The following PRKACB variants were observed in gnomAD, a reference collection of about 807,000 sequenced individuals.
PRKACB encodes the protein cAMP-dependent protein kinase catalytic subunit beta.
PRKACB carries 16 observed loss-of-function variants against 51.4 expected under a neutral mutation model. That is an observed-to-expected ratio of 0.31 (90% CI 0.21 to 0.47). The LOEUF is 0.47. PRKACB is among the 20% of genes least tolerant of loss of function. The pLI is 1.00. For synonymous variants in PRKACB, 147 were observed against 154.4 expected, an observed-to-expected ratio of 0.95 and a Z score of 0.35; for missense variants, 309 against 464.5, an observed-to-expected ratio of 0.67 and a Z score of 3.08.
chr1:84,151,739 A>G (rs1654879713), intron 1 of PRKACB, among the ~76,000 whole-genome samples: 1 of 152,144 alleles, frequency 6.6e-6, no homozygotes, highest in Admixed American at 6.5e-5. Flanking sequence ...TTATCAGGAG[A>G]TTGCAGCAAT....
intron 1 of PRKACB, among the ~76,000 whole-genome samples, chr1:84,124,284 C>T (rs1651362166): frequency 6.6e-6 from 1 of 152,150 alleles, no homozygotes; most frequent in Non-Finnish European, 1.5e-5. Flanking sequence ...TTGAACTACA[C>T]TTTGATTAAC....
chr1:84,196,485 T>C lies in PRKACB; in HGVS notation c.561-131T>C, dbSNP rs1048485306. On this transcript the variant is annotated intron_variant, in intron 5 of 9. Transcript: ENST00000370685. ...ATATTTGAAAAGTAACAAGGTTCTT[T>C]ACATACTTTTTAAAAAAATACTTTT... 3 of 856,500 alleles carry C rather than the reference T, an allele frequency of 3.5e-6. No homozygotes were observed. In the African/African-American group the frequency reaches 5.2e-5, roughly 15 times the overall value. 53.1% of individuals were successfully genotyped at this position (856,500 alleles called of 1,614,324 possible). A position where few individuals can be genotyped will look rare whatever the true frequency, so the allele number is the denominator to read the frequency against.
intron 1 of PRKACB, among the ~76,000 whole-genome samples, chr1:84,122,936 A>G (rs372264111): frequency 6.7e-4 from 102 of 152,298 alleles, no homozygotes; most frequent in African/African-American, 2.3e-3. Flanking sequence ...AGGTAATGAC[A>G]ATAAAAGATT....
intron 1 of PRKACB, among the ~76,000 whole-genome samples, chr1:84,165,494 C>G (rs1007518744): frequency 4.6e-5 from 7 of 151,436 alleles, no homozygotes; most frequent in African/African-American, 1.7e-4. Flanking sequence ...TTGCTTTTAC[C>G]TACAATTTAT....
intron 1 of PRKACB, among the ~76,000 whole-genome samples, chr1:84,153,128 A>C (rs990730521): frequency 3.3e-5 from 5 of 152,204 alleles, no homozygotes; most frequent in African/African-American, 1.2e-4. Context: ...CTAGCTGGTG[A>C]GTGGAGCAGT....
At chr1:84,160,880 CATT>C (rs565864305) in intron 1 of PRKACB, among the ~76,000 whole-genome samples, 48 of 151,802 alleles carry the variant, frequency 3.2e-4, no homozygotes, top group Middle Eastern at 3.4e-3. Context: ...TTAATTGAGA[CATT>C]ATATTTTCTA....
intron 1 of PRKACB, among the ~76,000 whole-genome samples, chr1:84,086,579 C>T (rs1318646385): frequency 1.3e-5 from 2 of 152,204 alleles, no homozygotes; most frequent in Admixed American, 1.3e-4. Flanking sequence ...CCTGGCTCTT[C>T]TGCCACCTGC....
At chr1:84,200,305 A>T (rs1669713120) in intron 7 of PRKACB, among the ~76,000 whole-genome samples, 2 of 152,116 alleles carry the variant, frequency 1.3e-5, no homozygotes, top group Non-Finnish European at 2.9e-5. Context: ...GTGTCAGTTC[A>T]TGTCCTTTGC....
intron 1 of PRKACB, among the ~76,000 whole-genome samples, chr1:84,085,456 A>C (rs1647893193): frequency 6.6e-6 from 1 of 152,204 alleles, no homozygotes; most frequent in Non-Finnish European, 1.5e-5. Context: ...GGATAATGAC[A>C]CTGTGATCTC....
intron 8 of PRKACB, among the ~76,000 whole-genome samples, chr1:84,203,457 A>T (rs913984597): frequency 6.6e-6 from 1 of 151,836 alleles, no homozygotes; most frequent in Non-Finnish European, 1.5e-5. Flanking sequence ...TGCTTTCAAG[A>T]GTGTTTTGTT....
chr1:84,143,226 G>A (rs988163229), upstream of PRKACB, among the ~76,000 whole-genome samples: 24 of 152,048 alleles, frequency 1.6e-4, no homozygotes, highest in African/African-American at 5.3e-4. Context: ...CGGGCGTATC[G>A]CTTGAGGCCA....
intron 1 of PRKACB, among the ~76,000 whole-genome samples, chr1:84,149,778 T>C (rs1040076553): frequency 6.6e-6 from 1 of 152,146 alleles, no homozygotes; most frequent in African/African-American, 2.4e-5. Context: ...TTAGGATTAT[T>C]TTTATATTTT....
At chr1:84,138,742 C>G (rs538073264) in intron 1 of PRKACB, among the ~76,000 whole-genome samples, 1 of 151,972 alleles carries the variant, frequency 6.6e-6, no homozygotes, top group Non-Finnish European at 1.5e-5. Flanking sequence ...ATAAAACTAC[C>G]AAGCAATGTA....
chr1:84,204,507 C>G (rs200352179), intron 8 of PRKACB: 30 of 1,603,096 alleles, frequency 1.9e-5, no homozygotes, highest in Non-Finnish European at 8.5e-7. Flanking sequence ...CAAAACAAAA[C>G]TTTGAGAAAA....
chr1:84,222,227 A>T (rs535116659), intron 9 of PRKACB, among the ~76,000 whole-genome samples: 1 of 152,214 alleles, frequency 6.6e-6, no homozygotes, highest in East Asian at 1.9e-4. Context: ...TATCTGATAT[A>T]AATTTAGATA....
intron 1 of PRKACB, among the ~76,000 whole-genome samples, chr1:84,111,675 A>T (rs1243191735): frequency 6.6e-6 from 1 of 152,070 alleles, no homozygotes; most frequent in Non-Finnish European, 1.5e-5. Flanking sequence ...CCCGTGACAC[A>T]AGTTTACCTA....
chr1:84,178,904 C>A (rs1388652760), intron 1 of PRKACB: 1 of 213,118 alleles, frequency 4.7e-6, no homozygotes, highest in Non-Finnish European at 9.2e-6. Flanking sequence ...ACATTACTTT[C>A]TAGTATGTTT....
At chr1:84,115,010 A>G (rs920059595) in intron 1 of PRKACB, among the ~76,000 whole-genome samples, 2 of 152,194 alleles carry the variant, frequency 1.3e-5, no homozygotes, top group African/African-American at 4.8e-5. Context: ...AAGTGCAGAT[A>G]TTCTTTGATA....
At chr1:84,194,127 C>T (rs1667556799) in intron 5 of PRKACB, among the ~76,000 whole-genome samples, 1 of 152,108 alleles carries the variant, frequency 6.6e-6, no homozygotes, top group Non-Finnish European at 1.5e-5. Flanking sequence ...CCTACTGCCC[C>T]TTGTTCAAGC....
Sources: allele counts gnomAD v4.1 joint callset (sites outside exome capture counted in the v4.1 genomes callset), GRCh38; gene constraint gnomAD v4.1.1; transcripts MANE v1.5; gene names NCBI Gene and HGNC (gene_info 2026-07-23, HGNC 2026-07-21).